The following FRAT1 variants were observed in gnomAD, a reference collection of about 807,000 sequenced individuals.
The protein encoded by FRAT1 is proto-oncogene FRAT1.
A neutral mutation model predicts 16.9 loss-of-function variants in FRAT1; 9 were observed. The ratio of observed to expected loss-of-function variants is 0.53; its 90% CI spans 0.32 to 0.93. FRAT1 has a LOEUF of 0.93. Among genes scored for constraint, FRAT1 ranks in the 40% least tolerant of loss-of-function variants. The pLI, the probability that FRAT1 is intolerant of heterozygous loss-of-function variation, is 0.04. For synonymous variants in FRAT1, 191 were observed against 202.1 expected (o/e 0.95, Z 0.46); for missense variants, 354 against 402.8 (o/e 0.88, Z 1.04).
In FRAT1 at chr10:97,320,246, A is replaced by C; in HGVS notation, c.793A>C (p.Arg265=). Residue 265 remains arginine (R), a synonymous_variant, in exon 1 of 1, where the codon AGG becomes CGG. Coordinates refer to ENST00000371021, the MANE Select transcript of FRAT1 (RefSeq NM_005479.4). ...CTGCAGTGACCCTGGCGCCTCCGGG[A>C]GGGCGCAGCTCAGAACTGGCGACGG... ...AACSDPGASG[R]AQLRTGDGVL... is the part of the protein sequence containing the mutation. The C allele has an allele frequency of 6.2e-7, 1 of 1,602,838 alleles. No individual in the cohort carries two copies. Among genetic ancestry groups the C allele is most frequent in the Non-Finnish European group, 8.5e-7 (1 of 1,175,544 alleles).
Position 97,321,175 on chromosome 10 carries a change from C to A in FRAT1, c.*882C>A, listed in dbSNP as rs2134964306. 1 of 166,784 alleles carries A rather than the reference C, an allele frequency of 6.0e-6. No homozygotes were observed. The highest frequency in any genetic ancestry group is 2.4e-5 in the African/African-American group (1 of 41,580). The allele number at this position is 166,784 out of a possible 1,614,324, so 10.3% of individuals were successfully genotyped here. On this transcript the variant is annotated 3_prime_UTR_variant, in exon 1 of 1. Transcript: ENST00000371021. ...CAAGTGCTGGAGTCTCCTGAGGACA[C>A]GCGCGTCGCCGCCACCGCGGGTGTG... is the stretch of plus-strand genomic sequence containing the variant.
At position 97,320,194 on chromosome 10, in the gene FRAT1, C is replaced by A; in HGVS notation, c.741C>A (p.Pro247=). ...CTCTGTCGGCCCCGGTGCATGAACC[C>A]CCTTCGCCTCGCAGCCCTCGCGCGG... The part of the protein sequence containing the change: ...LGPLSAPVHE[P]PSPRSPRAAC... The change falls in exon 1 of 1, where the codon CCC becomes CCA. Residue 247 remains proline, a synonymous_variant. Coordinates refer to ENST00000371021, the MANE Select transcript of FRAT1 (RefSeq NM_005479.4). 6.2e-7 allele frequency: 1 copy of A among 1,611,382 alleles called. No homozygotes were observed. Among genetic ancestry groups the A allele is most frequent in the Non-Finnish European group, 8.5e-7 (1 of 1,179,122 alleles).
In FRAT1 at chr10:97,319,310, C is replaced by T. The variant is rs530379830; in HGVS notation, c.-144C>T. On this transcript the variant is annotated 5_prime_UTR_variant, in exon 1 of 1. Coordinates refer to ENST00000371021, the MANE Select transcript of FRAT1 (RefSeq NM_005479.4). ...GCAGGCGCGCGGCTAGAGTGCCTGGCGGGCTCCGGCTTCCGCGTCCGCCCC... is the reference window on the plus strand; with the variant it reads ...GCAGGCGCGCGGCTAGAGTGCCTGGTGGGCTCCGGCTTCCGCGTCCGCCCC... The T allele has an allele frequency of 5.8e-4, 650 of 1,113,338 alleles. 2 individuals carry two copies. In the African/African-American group the frequency reaches 9.6e-3, roughly 16 times the overall value. The allele number at this position is 1,113,338 out of a possible 1,614,324, so 69.0% of individuals were successfully genotyped here. A position where few individuals can be genotyped will look rare whatever the true frequency, so the allele number is the denominator to read the frequency against.
At position 97,320,179 on chromosome 10, in the gene FRAT1, C is replaced by T. The variant is rs1333293447; in HGVS notation, c.726C>T (p.Ala242=). The T allele has an allele frequency of 1.2e-6, 2 of 1,612,464 alleles. No individual in the cohort carries two copies. Among genetic ancestry groups the T allele is most frequent in the Non-Finnish European group, 1.7e-6 (2 of 1,179,508 alleles). ...GCCCGCTCCTGGGACCTCTGTCGGC[C>T]CCGGTGCATGAACCCCCTTCGCCTC... ...PQRPLLGPLS[A]PVHEPPSPRS... Residue 242 remains alanine, a synonymous_variant, in exon 1 of 1, where the codon GCC becomes GCT. Transcript: ENST00000371021.
At position 97,321,799 on chromosome 10, in the gene FRAT1, C is replaced by G. The variant is rs529867513; in HGVS notation, c.*1506C>G. The G allele has an allele frequency of 5.4e-5, 9 of 167,202 alleles. No homozygotes were observed. Among genetic ancestry groups the G allele is most frequent in the African/African-American group, 1.9e-4 (8 of 41,566 alleles). The allele number at this position is 167,202 out of a possible 1,614,324, so 10.4% of individuals were successfully genotyped here. A position where few individuals can be genotyped will look rare whatever the true frequency, so the allele number is the denominator to read the frequency against. ...GATTTTAACTTAACTGAAATGCCTGCTTTGAATAAATGTGTTGGGTTTTTT... is the reference window on the plus strand; with the variant it reads ...GATTTTAACTTAACTGAAATGCCTGGTTTGAATAAATGTGTTGGGTTTTTT... On this transcript the variant is annotated 3_prime_UTR_variant, in exon 1 of 1. Coordinates refer to ENST00000371021, the MANE Select transcript of FRAT1 (RefSeq NM_005479.4).
At position 97,320,622 on chromosome 10, in the gene FRAT1, C is replaced by T. The variant is rs1843452561; in HGVS notation, c.*329C>T. The T allele has an allele frequency of 6.5e-6, 2 of 307,406 alleles. No homozygotes were observed. Among genetic ancestry groups the T allele is most frequent in the Admixed American group, 5.2e-5 (1 of 19,138 alleles). The allele number at this position is 307,406 out of a possible 1,614,324, so 19.0% of individuals were successfully genotyped here. A position where few individuals can be genotyped will look rare whatever the true frequency, so the allele number is the denominator to read the frequency against. ...GCAGCCTCTCAGTGCCCTCCAGCCCCGCGACCATGTGGCCACAATCCACGC... is the reference window on the plus strand; with the variant it reads ...GCAGCCTCTCAGTGCCCTCCAGCCCTGCGACCATGTGGCCACAATCCACGC... On this transcript the variant is annotated 3_prime_UTR_variant, in exon 1 of 1. Transcript: ENST00000371021.
At position 97,321,722 on chromosome 10, in the gene FRAT1, A is replaced by G. The variant is rs970599881; in HGVS notation, c.*1429A>G. On this transcript the variant is annotated 3_prime_UTR_variant, in exon 1 of 1. Transcript: ENST00000371021. ...TCATCATCCAGATGTGGCTACTGAC[A>G]TATCTACACTTCGCACCGGAGTGTC... The G allele has an allele frequency of 6.6e-5, 11 of 167,124 alleles. No homozygotes were observed. Among genetic ancestry groups the G allele is most frequent in the Admixed American group, 6.5e-4 (10 of 15,284 alleles). The allele number at this position is 167,124 out of a possible 1,614,324, so 10.4% of individuals were successfully genotyped here. A position where few individuals can be genotyped will look rare whatever the true frequency, so the allele number is the denominator to read the frequency against.
Position 97,320,171 on chromosome 10 carries a change from C to A in FRAT1, c.718C>A (p.Leu240Met). 1 of 1,612,714 alleles carries A rather than the reference C, an allele frequency of 6.2e-7. No individual in the cohort carries two copies. ...TCCCCAACGCCCGCTCCTGGGACCTCTGTCGGCCCCGGTGCATGAACCCCC... is the reference window on the plus strand; with the variant it reads ...TCCCCAACGCCCGCTCCTGGGACCTATGTCGGCCCCGGTGCATGAACCCCC... ...KLPQRPLLGPLSAPVHEPPSP... is the reference protein window; with the variant it reads ...KLPQRPLLGPMSAPVHEPPSP... The change falls in exon 1 of 1, where the codon CTG becomes ATG. Residue 240 changes from leucine (L) to methionine (M), a missense_variant. By Grantham distance (15) the Leu-to-Met change is conservative. Around this residue, in one of 3 missense-constraint regions of FRAT1, gnomAD observed 286 missense variants for 311.0 expected, o/e 0.92. Transcript: ENST00000371021.
Position 97,319,426 on chromosome 10 carries a change from A to T in FRAT1, c.-28A>T, listed in dbSNP as rs1843436441. 7.4e-7 allele frequency: 1 copy of T among 1,356,710 alleles called. No individual in the cohort carries two copies. The highest frequency in any genetic ancestry group is 1.7e-5 in the South Asian group (1 of 58,212). 84.0% of individuals were successfully genotyped at this position (1,356,710 alleles called of 1,614,324 possible). Reference sequence around the variant, plus strand: ...CAGCCGAGCCCCCAGCGACGCCCGCACAGCTCCGGGTGCCCAGACAGGGGG... The same window carrying T: ...CAGCCGAGCCCCCAGCGACGCCCGCTCAGCTCCGGGTGCCCAGACAGGGGG... On this transcript the variant is annotated 5_prime_UTR_variant, in exon 1 of 1. Coordinates refer to ENST00000371021, the MANE Select transcript of FRAT1 (RefSeq NM_005479.4).
Position 97,320,148 on chromosome 10 carries a change from C to G in FRAT1, c.695C>G (p.Pro232Arg), listed in dbSNP as rs751525429. The G allele has an allele frequency of 1.2e-6, 2 of 1,612,684 alleles. No individual in the cohort carries two copies. Among genetic ancestry groups the G allele is most frequent in the Admixed American group, 3.3e-5 (2 of 59,930 alleles). The stretch of plus-strand genomic sequence containing the variant: ...CGGCTGCAGTTACGTGCAAAGCTTC[C>G]CCAACGCCCGCTCCTGGGACCTCTG... The part of the protein sequence containing the change: ...SRRLQLRAKL[P>R]QRPLLGPLSA... The change falls in exon 1 of 1, where the codon CCC becomes CGC. Residue 232 changes from proline (P) to arginine (R), a missense_variant. By Grantham distance (103) the Pro-to-Arg change is moderately radical. This residue lies in a region of FRAT1 where 286 missense variants were observed against 311.0 expected (regional missense o/e 0.92). Transcript: ENST00000371021.
At position 97,320,036 on chromosome 10, in the gene FRAT1, G is replaced by A; in HGVS notation, c.583G>A (p.Gly195Ser). Residue 195 changes from glycine (G) to serine (S), a missense_variant, in exon 1 of 1, where the codon GGC (glycine) becomes AGC (serine). Transcript: ENST00000371021. The stretch of plus-strand genomic sequence containing the variant: ...CGGGTCCCAACCAGAAACCCGCACA[G>A]GCGACGACGACCCGCACCGGCTTCT... ...RRGSQPETRTGDDDPHRLLQQ... is the reference protein window; with the variant it reads ...RRGSQPETRTSDDDPHRLLQQ... 1 of 1,573,100 alleles carries A rather than the reference G, an allele frequency of 6.4e-7. No individual in the cohort carries two copies. Among genetic ancestry groups the A allele is most frequent in the Admixed American group, 1.8e-5 (1 of 54,208 alleles).
chr10:97,319,423 C>T lies in FRAT1; in HGVS notation c.-31C>T. ...CGGCAGCCGAGCCCCCAGCGACGCCCGCACAGCTCCGGGTGCCCAGACAGG... is the reference window on the plus strand; with the variant it reads ...CGGCAGCCGAGCCCCCAGCGACGCCTGCACAGCTCCGGGTGCCCAGACAGG... On this transcript the variant is annotated 5_prime_UTR_variant, in exon 1 of 1. Coordinates refer to ENST00000371021, the MANE Select transcript of FRAT1 (RefSeq NM_005479.4). 7.4e-7 allele frequency: 1 copy of T among 1,347,012 alleles called. No individual in the cohort carries two copies. The highest frequency in any genetic ancestry group is 9.5e-7 in the Non-Finnish European group (1 of 1,049,518). 83.4% of individuals were successfully genotyped at this position (1,347,012 alleles called of 1,614,324 possible).
Position 97,320,184 on chromosome 10 carries a change from T to G in FRAT1, c.731T>G (p.Val244Gly), listed in dbSNP as rs1843447925. The change falls in exon 1 of 1, where the codon GTG becomes GGG. Residue 244 changes from valine (V) to glycine (G), a missense_variant. Coordinates refer to ENST00000371021, the MANE Select transcript of FRAT1 (RefSeq NM_005479.4). ...RPLLGPLSAP[V>G]HEPPSPRSPR... Reference sequence around the variant, plus strand: ...CTCCTGGGACCTCTGTCGGCCCCGGTGCATGAACCCCCTTCGCCTCGCAGC... The same window carrying G: ...CTCCTGGGACCTCTGTCGGCCCCGGGGCATGAACCCCCTTCGCCTCGCAGC... The G allele has an allele frequency of 6.2e-7, 1 of 1,612,022 alleles. No homozygotes were observed. Among genetic ancestry groups the G allele is most frequent in the Non-Finnish European group, 8.5e-7 (1 of 1,179,414 alleles).
rs754106585 is a variant in FRAT1 at position 97,319,994 on chromosome 10, C to T, written c.541C>T (p.Arg181Cys). 97 of 1,550,250 alleles carry T rather than the reference C, an allele frequency of 6.3e-5. No individual in the cohort carries two copies. The highest frequency in any genetic ancestry group is 8.0e-5 in the Non-Finnish European group (92 of 1,148,740). Reference sequence around the variant, plus strand: ...GCTCCGGGGCGCCGCCGCCTCCCGCCGCCTGCAGCAGCGACGCGGGTCCCA... The same window carrying T: ...GCTCCGGGGCGCCGCCGCCTCCCGCTGCCTGCAGCAGCGACGCGGGTCCCA... ...GWLRGAAASR[R>C]LQQRRGSQPE... Residue 181 changes from arginine to cysteine, a missense_variant, in exon 1 of 1, where the codon CGC becomes TGC. By Grantham distance (180) the Arg-to-Cys change is radical. Transcript: ENST00000371021.
chr10:97,319,485 C>T lies in FRAT1; in HGVS notation c.32C>T (p.Ala11Val). The change falls in exon 1 of 1, where the codon GCC becomes GTC. Residue 11 changes from alanine (A) to valine (V), a missense_variant. Ala to Val is a moderately conservative substitution (Grantham distance 64). Around this residue, in one of 3 missense-constraint regions of FRAT1, gnomAD observed 46 missense variants for 37.7 expected, o/e 1.22. Transcript: ENST00000371021. MPCRREEEEE[A>V]GEEAEGEEEE... ...TGCCGGAGGGAGGAGGAAGAGGAAG[C>T]CGGCGAGGAGGCGGAGGGGGAGGAA... The T allele has an allele frequency of 6.8e-7, 1 of 1,470,080 alleles. No homozygotes were observed. Among genetic ancestry groups the T allele is most frequent in the Non-Finnish European group, 9.0e-7 (1 of 1,113,262 alleles). 91.1% of individuals were successfully genotyped at this position (1,470,080 alleles called of 1,614,324 possible).
Position 97,319,567 on chromosome 10 carries a change from C to T in FRAT1, c.114C>T (p.Gly38=), listed in dbSNP as rs778802406. The T allele has an allele frequency of 4.1e-6, 6 of 1,464,438 alleles. No homozygotes were observed. The highest frequency in any genetic ancestry group is 2.6e-5 in the South Asian group (2 of 77,330). 90.7% of individuals were successfully genotyped at this position (1,464,438 alleles called of 1,614,324 possible). A position where few individuals can be genotyped will look rare whatever the true frequency, so the allele number is the denominator to read the frequency against. ...LQQSVALGSS[G]EVDRLVAQIG... Reference sequence around the variant, plus strand: ...AGTCAGTGGCGCTGGGCAGCTCGGGCGAGGTGGACCGGCTGGTGGCCCAGA... The same window carrying T: ...AGTCAGTGGCGCTGGGCAGCTCGGGTGAGGTGGACCGGCTGGTGGCCCAGA... Residue 38 remains glycine (G), a synonymous_variant, in exon 1 of 1, where the codon GGC becomes GGT. Coordinates refer to ENST00000371021, the MANE Select transcript of FRAT1 (RefSeq NM_005479.4).
Position 97,321,439 on chromosome 10 carries a change from G to A in FRAT1, c.*1146G>A, listed in dbSNP as rs1036681888. ...CAGCCTAGCACAGCAGCTTATAATG[G>A]GCTCTCCGGGGCCATTTGCAATAAC... On this transcript the variant is annotated 3_prime_UTR_variant, in exon 1 of 1. Coordinates refer to ENST00000371021, the MANE Select transcript of FRAT1 (RefSeq NM_005479.4). 1 of 167,152 alleles carries A rather than the reference G, an allele frequency of 6.0e-6. No individual in the cohort carries two copies. The highest frequency in any genetic ancestry group is 6.5e-5 in the Admixed American group (1 of 15,282). The allele number at this position is 167,152 out of a possible 1,614,324, so 10.4% of individuals were successfully genotyped here.
At position 97,319,529 on chromosome 10, in the gene FRAT1, C is replaced by G. The variant is rs1213851785; in HGVS notation, c.76C>G (p.Leu26Val). ...EGEEEEEDSF[L>V]LLQQSVALGS... is the part of the protein sequence containing the mutation. Reference sequence around the variant, plus strand: ...GGAGGAAGAGGAGGAGGACAGCTTCCTCCTACTGCAGCAGTCAGTGGCGCT... The same window carrying G: ...GGAGGAAGAGGAGGAGGACAGCTTCGTCCTACTGCAGCAGTCAGTGGCGCT... The change falls in exon 1 of 1, where the codon CTC (leucine) becomes GTC (valine). Residue 26 changes from leucine (L) to valine (V), a missense_variant. Leu to Val is a conservative substitution (Grantham distance 32). Coordinates refer to ENST00000371021, the MANE Select transcript of FRAT1 (RefSeq NM_005479.4). The G allele has an allele frequency of 8.1e-6, 12 of 1,478,726 alleles. No individual in the cohort carries two copies. In the East Asian group the frequency reaches 3.5e-4, roughly 43 times the overall value. The allele number at this position is 1,478,726 out of a possible 1,614,324, so 91.6% of individuals were successfully genotyped here. A position where few individuals can be genotyped will look rare whatever the true frequency, so the allele number is the denominator to read the frequency against.
chr10:97,320,236 C>G lies in FRAT1; in HGVS notation c.783C>G (p.Gly261=). ...RSPRAACSDP[G]ASGRAQLRTG... ...CTCGCGCGGCCTGCAGTGACCCTGG[C>G]GCCTCCGGGAGGGCGCAGCTCAGAA... The change falls in exon 1 of 1, where the codon GGC becomes GGG. Residue 261 remains glycine, a synonymous_variant. Transcript: ENST00000371021. The G allele has an allele frequency of 6.2e-7, 1 of 1,602,712 alleles. No homozygotes were observed. Among genetic ancestry groups the G allele is most frequent in the Non-Finnish European group, 8.5e-7 (1 of 1,175,616 alleles).
Sources: allele counts gnomAD v4.1 joint callset, GRCh38; gene constraint gnomAD v4.1.1; regional missense constraint gnomAD v4.1.1; transcripts MANE v1.5; gene names NCBI Gene and HGNC (gene_info 2026-07-23, HGNC 2026-07-21).